The following ZDHHC17 variants were observed in gnomAD, a reference collection of about 807,000 sequenced individuals.
ZDHHC17 encodes the protein zDHHC palmitoyltransferase 17.
Under a neutral mutation model 90.3 loss-of-function variants are expected in ZDHHC17, and 40 were observed. The observed-to-expected ratio is 0.44, with a 90% CI of 0.34 to 0.58. The LOEUF (loss-of-function observed/expected upper bound fraction) is 0.58, where lower values mean the gene tolerates loss of function less well. Among genes scored for constraint, ZDHHC17 ranks in the 20% least tolerant of loss-of-function variants. The pLI, the probability that ZDHHC17 is intolerant of heterozygous loss-of-function variation, is 0.01. For missense variants in ZDHHC17, 614 were observed against 780.8 expected (o/e 0.79, Z 2.55); for synonymous variants, 235 against 252.4 (o/e 0.93, Z 0.65).
intron 10 of ZDHHC17, among the ~76,000 whole-genome samples, chr12:76,833,432 A>C (rs545949986): frequency 6.6e-6 from 1 of 152,206 alleles, no homozygotes; most frequent in South Asian, 2.1e-4. Context: ...TATACTCTGA[A>C]TATAATTTTA....
At chr12:76,807,505 A>G (rs1952968707) in intron 3 of ZDHHC17, among the ~76,000 whole-genome samples, 1 of 152,206 alleles carries the variant, frequency 6.6e-6, no homozygotes, top group Non-Finnish European at 1.5e-5. Context: ...AAGATTAAGA[A>G]TTGTGCAATC....
At chr12:76,812,169 A>G (rs1953032117) in intron 5 of ZDHHC17, among the ~76,000 whole-genome samples, 1 of 152,182 alleles carries the variant, frequency 6.6e-6, no homozygotes, top group Non-Finnish European at 1.5e-5. Context: ...AATATATTGT[A>G]AAAGACACTC....
intron 10 of ZDHHC17, chr12:76,840,373 A>G (rs1953418851): frequency 7.2e-6 from 1 of 138,320 alleles, no homozygotes; most frequent in South Asian, 2.2e-4. Context: ...ACTGAGTCTC[A>G]CTCTGTTGTC....
chr12:76,818,963 C>A (rs1028589648), intron 7 of ZDHHC17, among the ~76,000 whole-genome samples: 1 of 152,032 alleles, frequency 6.6e-6, no homozygotes, highest in African/African-American at 2.4e-5. Flanking sequence ...TAGGCTGTTG[C>A]AATAAATCAG....
intron 7 of ZDHHC17, among the ~76,000 whole-genome samples, chr12:76,816,348 A>G (rs1465798550): frequency 6.6e-6 from 1 of 152,062 alleles, no homozygotes; most frequent in Admixed American, 6.6e-5. Context: ...CACTCTAAAC[A>G]TTTAGAAATC....
intron 1 of ZDHHC17, 100 bp from the exon 2 acceptor site, chr12:76,797,334 G>T: frequency 1.5e-6 from 1 of 663,108 alleles, no homozygotes; most frequent in Non-Finnish European, 2.4e-6. Flanking sequence ...TCAGTAATTA[G>T]CATTTCTCAA....
intron 3 of ZDHHC17, 97 bp from the exon 4 acceptor site, chr12:76,808,946 G>A: frequency 1.5e-6 from 1 of 675,620 alleles, no homozygotes; most frequent in East Asian, 3.5e-5. Flanking sequence ...ACTAGCATGA[G>A]ATCTGAAATA....
chr12:76,766,274 C>G (rs1952430628), intron 1 of ZDHHC17, among the ~76,000 whole-genome samples: 1 of 152,166 alleles, frequency 6.6e-6, no homozygotes, highest in African/African-American at 2.4e-5. Flanking sequence ...AGCACAAGGT[C>G]TGATTATTTT....
At chr12:76,781,133 CA>C (rs33935444) in intron 1 of ZDHHC17, among the ~76,000 whole-genome samples, 142 of 92,364 alleles carry the variant, frequency 1.5e-3, no homozygotes, top group African/African-American at 3.5e-3. Context: ...GACTCCGTCT[CA>C]AAAAAAAAAA....
chr12:76,827,783 C>G (rs1953247112), intron 9 of ZDHHC17, among the ~76,000 whole-genome samples: 2 of 152,060 alleles, frequency 1.3e-5, no homozygotes, highest in South Asian at 4.1e-4. Flanking sequence ...TTTCTAGAGT[C>G]TCCAAGGGGT....
At chr12:76,801,987 AAT>A (rs1296852087) in intron 2 of ZDHHC17, among the ~76,000 whole-genome samples, 4 of 152,150 alleles carry the variant, frequency 2.6e-5, no homozygotes, top group Non-Finnish European at 5.9e-5. Flanking sequence ...CGGAGTTACA[AAT>A]TATTGTTACG....
intron 10 of ZDHHC17, chr12:76,840,003 A>G (rs763917200): frequency 3.3e-5 from 5 of 152,168 alleles, no homozygotes; most frequent in Non-Finnish European, 7.4e-5. Flanking sequence ...TACTTGCTCT[A>G]CCTCTAACTC....
At chr12:76,806,832 C>G (rs1355951019) in intron 3 of ZDHHC17, among the ~76,000 whole-genome samples, 1 of 152,234 alleles carries the variant, frequency 6.6e-6, no homozygotes, top group Non-Finnish European at 1.5e-5. Context: ...GTAAAATGAA[C>G]TAAATGAACT....
intron 1 of ZDHHC17, among the ~76,000 whole-genome samples, chr12:76,789,313 A>G (rs945557760): frequency 6.6e-6 from 1 of 152,202 alleles, no homozygotes. Context: ...TGTCCTAAGC[A>G]CTGGACATAC....
At chr12:76,849,022 ACAC>A (rs764866508) in intron 15 of ZDHHC17, among the ~76,000 whole-genome samples, 1 of 149,828 alleles carries the variant, frequency 6.7e-6, no homozygotes, top group Non-Finnish European at 1.5e-5. Flanking sequence ...ATGGTGGCTC[ACAC>A]CTGTAATCCC....
At chr12:76,764,861 T>C (rs1018624019) in intron 1 of ZDHHC17, 16 of 456,042 alleles carry the variant, frequency 3.5e-5, no homozygotes, top group Admixed American at 2.3e-4. Flanking sequence ...GCGTCCTTTT[T>C]TGAGCATTTG....
intron 1 of ZDHHC17, among the ~76,000 whole-genome samples, chr12:76,793,533 G>GC (rs1952784791): frequency 6.6e-6 from 1 of 152,128 alleles, no homozygotes; most frequent in East Asian, 1.9e-4. Flanking sequence ...AGAAGGGAAT[G>GC]AGTGTGTGGA....
At chr12:76,777,765 A>G (rs1014802749) in intron 1 of ZDHHC17, among the ~76,000 whole-genome samples, 18 of 152,212 alleles carry the variant, frequency 1.2e-4, no homozygotes, top group African/African-American at 4.1e-4. Context: ...TGAGAGGGCC[A>G]TAAGGCAAGT....
At position 76,852,366 on chromosome 12, in the gene ZDHHC17, T is replaced by C. The variant is rs1041384412; in HGVS notation, c.*1381T>C. ...CCTAGACCAATGTAAAGAATGTGTA[T>C]CTGTATATAAATAATTTATCAAATA... is the stretch of plus-strand genomic sequence containing the variant. On this transcript the variant is annotated 3_prime_UTR_variant, in exon 17 of 17. Coordinates refer to ENST00000426126, the MANE Select transcript of ZDHHC17 (RefSeq NM_015336.4). The C allele has an allele frequency of 6.6e-5, 10 of 152,624 alleles. No homozygotes were observed. The highest frequency in any genetic ancestry group is 2.4e-4 in the African/African-American group (10 of 41,444). The allele number at this position is 152,624 out of a possible 1,614,324, so 9.5% of individuals were successfully genotyped here. A position where few individuals can be genotyped will look rare whatever the true frequency, so the allele number is the denominator to read the frequency against.
Sources: allele counts gnomAD v4.1 joint callset (sites outside exome capture counted in the v4.1 genomes callset), GRCh38; gene constraint gnomAD v4.1.1; transcripts MANE v1.5; gene names NCBI Gene and HGNC (gene_info 2026-07-23, HGNC 2026-07-21).